Variants in RAB44 observed in about 807,000 individuals in gnomAD.
RAB44 encodes ras-related protein Rab-44.
RAB44 carries 67 observed loss-of-function variants against 93.3 expected under a neutral mutation model. The ratio of observed to expected loss-of-function variants is 0.72; its 90% CI spans 0.59 to 0.88. The LOEUF is 0.88. RAB44 is among the 40% of genes least tolerant of loss of function. The pLI, the probability that RAB44 is intolerant of heterozygous loss-of-function variation, is 0.00. For synonymous variants in RAB44, 427 were observed against 520.3 expected (o/e 0.82, Z 2.44); for missense variants, 1,064 against 1,261.7 (o/e 0.84, Z 2.37).
At chr6:36,720,169 T>C (rs1187491926) in intron 7 of RAB44, among the ~76,000 whole-genome samples, 194 bp from the exon 8 acceptor site, 1 of 152,016 alleles carries the variant, frequency 6.6e-6, no homozygotes. Context: ...GGATTTCCAG[T>C]GCCCCTCCTA....
At chr6:36,726,853 T>C (rs1463798883) in intron 10 of RAB44, among the ~76,000 whole-genome samples, 1 of 149,474 alleles carries the variant, frequency 6.7e-6, no homozygotes, top group African/African-American at 2.5e-5. Context: ...CAGGCTGGAG[T>C]GTGGTGGTGT....
chr6:36,700,682 C>T (rs1582603393), intron 1 of RAB44, among the ~76,000 whole-genome samples: 1 of 152,334 alleles, frequency 6.6e-6, no homozygotes, highest in African/African-American at 2.4e-5. Flanking sequence ...AAGTGATCCT[C>T]TCGCCTCAGC....
Position 36,731,974 on chromosome 6 carries a change from G to A in RAB44, c.2976-29G>A. On this transcript the variant is annotated intron_variant, in intron 13 of 13. Coordinates refer to ENST00000612677, the MANE Select transcript of RAB44 (RefSeq NM_001257357.2). This position sits in a 1 kb window ranked among gnomAD's most constrained non-coding sequence, Gnocchi z 4.0. ...CGTGCTGCCCGTAGGAGGTGAGAGA[G>A]AGGCCTGATGCCTGGCACTGTCACA... 8.1e-7 allele frequency: 1 copy of A among 1,228,554 alleles called. No individual in the cohort carries two copies. The highest frequency in any genetic ancestry group is 1.0e-6 in the Non-Finnish European group (1 of 983,952). The allele number at this position is 1,228,554 out of a possible 1,614,324, so 76.1% of individuals were successfully genotyped here.
At chr6:36,701,723 G>T (rs59151709) in intron 1 of RAB44, among the ~76,000 whole-genome samples, 16,260 of 152,078 alleles carry the variant, frequency 0.11, 1,007 homozygotes, top group South Asian at 0.17. Context: ...CCTGCATGAG[G>T]CTGTGAGGAC....
In RAB44 at chr6:36,721,522, C is replaced by T. The variant is rs186844967; in HGVS notation, c.1388C>T (p.Pro463Leu). The T allele has an allele frequency of 1.7e-5, 21 of 1,234,534 alleles. No homozygotes were observed. The highest frequency in any genetic ancestry group is 1.1e-4 in the African/African-American group (7 of 64,598). The allele number at this position is 1,234,534 out of a possible 1,614,324, so 76.5% of individuals were successfully genotyped here. A position where few individuals can be genotyped will look rare whatever the true frequency, so the allele number is the denominator to read the frequency against. ...ATTAGAGCAGAGCAGCCTGTTGAAC[C>T]GCACGACCCGGACCCCAACCAGGAG... The part of the protein sequence containing the change: ...QDIRAEQPVE[P>L]HDPDPNQEPG... The change falls in exon 9 of 14, where the codon CCG (proline) becomes CTG (leucine). Residue 463 changes from proline to leucine, a missense_variant. Transcript: ENST00000612677.
chr6:36,701,760 CA>C (rs1485017279), intron 1 of RAB44, among the ~76,000 whole-genome samples: 1 of 152,088 alleles, frequency 6.6e-6, no homozygotes, highest in Non-Finnish European at 1.5e-5. Flanking sequence ...GAGTTAGTCA[CA>C]CCTCTACCTG....
chr6:36,709,150 T>C (rs1762721276), intron 2 of RAB44, among the ~76,000 whole-genome samples: 2 of 151,994 alleles, frequency 1.3e-5, no homozygotes, highest in African/African-American at 2.4e-5. Flanking sequence ...CGGGTTTCAC[T>C]ATGTTGACCA....
intron 12 of RAB44, among the ~76,000 whole-genome samples, chr6:36,729,337 GA>G (rs1258264125): frequency 6.6e-6 from 1 of 152,090 alleles, no homozygotes. Flanking sequence ...AAAATAGAGG[GA>G]AAAATCACTC....
intron 9 of RAB44, among the ~76,000 whole-genome samples, chr6:36,724,871 A>G (rs1483077627): frequency 7.9e-5 from 12 of 152,124 alleles, no homozygotes; most frequent in Admixed American, 7.9e-4. Flanking sequence ...TTCCCTACCT[A>G]GTGTCACCTT....
At chr6:36,715,319 C>T (rs1762888221) in intron 3 of RAB44, among the ~76,000 whole-genome samples, 160 bp from the exon 4 acceptor site, 1 of 152,138 alleles carries the variant, frequency 6.6e-6, no homozygotes, top group African/African-American at 2.4e-5. Context: ...CTTAAATAGA[C>T]TCCTAAGGTT....
intron 2 of RAB44, among the ~76,000 whole-genome samples, chr6:36,708,016 G>A (rs1762691272): frequency 6.6e-6 from 1 of 152,142 alleles, no homozygotes. Context: ...TTCAAGACCA[G>A]TCTGGACAAT....
At chr6:36,723,557 C>T (rs998861504) in intron 9 of RAB44, among the ~76,000 whole-genome samples, 4 of 152,000 alleles carry the variant, frequency 2.6e-5, no homozygotes, top group East Asian at 3.9e-4. Flanking sequence ...CAAACCCAGC[C>T]GGGCGCAGTG....
Position 36,715,518 on chromosome 6 carries a change from G to A in RAB44, c.359G>A (p.Arg120His), listed in dbSNP as rs56174160. The change falls in exon 4 of 14, where the codon CGC (arginine) becomes CAC (histidine). Residue 120 changes from arginine to histidine, a missense_variant. By Grantham distance (29) the Arg-to-His change is conservative. Transcript: ENST00000612677. ...TCCAGCCAGAGCCCCCACAGGCTCC[G>A]CAGAAGGAAGCCACTGCCCTCTAAG... ...FGSSQSPHRL[R>H]RRKPLPSKRV... 5,081 of 1,536,118 alleles carry A rather than the reference G, an allele frequency of 3.3e-3. 103 individuals are homozygous for A. In the African/African-American group the frequency reaches 0.048, roughly 15 times the overall value.
chr6:36,718,480 A>C lies in RAB44; in HGVS notation c.733-13A>C. 1 of 1,206,088 alleles carries C rather than the reference A, an allele frequency of 8.3e-7. No homozygotes were observed. Among genetic ancestry groups the C allele is most frequent in the Non-Finnish European group, 1.0e-6 (1 of 963,480 alleles). The allele number at this position is 1,206,088 out of a possible 1,614,324, so 74.7% of individuals were successfully genotyped here. A position where few individuals can be genotyped will look rare whatever the true frequency, so the allele number is the denominator to read the frequency against. On this transcript the variant is annotated splice_polypyrimidine_tract_variant and intron_variant, in intron 6 of 13. Coordinates refer to ENST00000612677, the MANE Select transcript of RAB44 (RefSeq NM_001257357.2). Reference sequence around the variant, plus strand: ...AGTCTGCAGGGTGAGGGCTGAATCTACCTACTCCACAGAGCGACTCTCGGG... The same window carrying C: ...AGTCTGCAGGGTGAGGGCTGAATCTCCCTACTCCACAGAGCGACTCTCGGG...
intron 9 of RAB44, among the ~76,000 whole-genome samples, chr6:36,724,988 T>C (rs533905544): frequency 3.9e-5 from 6 of 152,336 alleles, no homozygotes; most frequent in East Asian, 3.8e-4. Context: ...TATTTGAATG[T>C]ACATTTTCCA....
intron 2 of RAB44, among the ~76,000 whole-genome samples, chr6:36,708,436 T>G (rs2150327530): frequency 6.6e-6 from 1 of 152,296 alleles, no homozygotes; most frequent in Non-Finnish European, 1.5e-5. Flanking sequence ...GAAAGATATC[T>G]TAAAATTTTT....
Position 36,732,420 on chromosome 6 carries a change from G to C in RAB44, c.*327G>C, listed in dbSNP as rs534343036. 2 of 120,690 alleles carry C rather than the reference G, an allele frequency of 1.7e-5. No individual in the cohort carries two copies. Among genetic ancestry groups the C allele is most frequent in the African/African-American group, 7.4e-5 (2 of 27,128 alleles). The allele number at this position is 120,690 out of a possible 1,614,324, so 7.5% of individuals were successfully genotyped here. Reference sequence around the variant, plus strand: ...GGGTGTAAAATTTTAGGGAGAATGTGGGGGGGGGGTGTTACTTTCCATTTT... The same window carrying C: ...GGGTGTAAAATTTTAGGGAGAATGTCGGGGGGGGGTGTTACTTTCCATTTT... On this transcript the variant is annotated 3_prime_UTR_variant, in exon 14 of 14. Transcript: ENST00000612677.
chr6:36,716,247 A>C (rs866344630), intron 4 of RAB44, among the ~76,000 whole-genome samples: 5 of 151,966 alleles, frequency 3.3e-5, no homozygotes, highest in East Asian at 1.9e-4. Flanking sequence ...AGGCGGGTGG[A>C]TCACCTGAGG....
rs1245782561 is a variant in RAB44, at chr6:36,721,951, G to A, written c.1817G>A (p.Arg606Lys). The A allele has an allele frequency of 1.6e-6, 2 of 1,234,472 alleles. No individual in the cohort carries two copies. The highest frequency in any genetic ancestry group is 2.0e-6 in the Non-Finnish European group (2 of 988,348). 76.5% of individuals were successfully genotyped at this position (1,234,472 alleles called of 1,614,324 possible). A position where few individuals can be genotyped will look rare whatever the true frequency, so the allele number is the denominator to read the frequency against. The change falls in exon 9 of 14, where the codon AGG becomes AAG. Residue 606 changes from arginine (R) to lysine (K), a missense_variant. Coordinates refer to ENST00000612677, the MANE Select transcript of RAB44 (RefSeq NM_001257357.2). ...TCTGAGCCAAGACTGGGGACCCAGA[G>A]GGCTAGAGCCCTCACCCTGGGGCCA... is the stretch of plus-strand genomic sequence containing the variant. The part of the protein sequence containing the change: ...TGSEPRLGTQ[R>K]ARALTLGPAE...
Sources: allele counts gnomAD v4.1 joint callset (sites outside exome capture counted in the v4.1 genomes callset), GRCh38; gene constraint gnomAD v4.1.1; non-coding constraint Gnocchi (gnomAD v3.1); transcripts MANE v1.5; gene names NCBI Gene and HGNC (gene_info 2026-07-23, HGNC 2026-07-21).